Variants in BABAM2 observed in about 807,000 individuals in gnomAD.
The protein encoded by BABAM2 is BRISC and BRCA1 A complex member 2.
Under a neutral mutation model 54.7 loss-of-function variants are expected in BABAM2, and 31 were observed. The ratio of observed to expected loss-of-function variants is 0.57; its 90% CI spans 0.43 to 0.77. BABAM2 has a LOEUF of 0.77. Ranked by LOEUF, BABAM2 falls within the 30% of genes least tolerant of loss-of-function variation. BABAM2 has a pLI of 0.00. For missense variants in BABAM2, 364 were observed against 455.8 expected (o/e 0.80, Z 1.83); for synonymous variants, 167 against 162.9 (o/e 1.03, Z -0.19).
intron 7 of BABAM2, among the ~76,000 whole-genome samples, chr2:28,199,829 C>T (rs780009043): frequency 3.3e-5 from 5 of 152,086 alleles, no homozygotes; most frequent in African/African-American, 7.2e-5. Flanking sequence ...AGGTATGGAA[C>T]GAAACATCCT....
intron 6 of BABAM2, among the ~76,000 whole-genome samples, chr2:28,078,439 A>T (rs532294479): frequency 2.6e-5 from 4 of 152,316 alleles, no homozygotes; most frequent in African/African-American, 7.2e-5. Flanking sequence ...AGAATTAATA[A>T]TGAAAGAAAA....
At chr2:28,266,927 G>A (rs867867135) in intron 10 of BABAM2, among the ~76,000 whole-genome samples, 6 of 152,216 alleles carry the variant, frequency 3.9e-5, no homozygotes, top group South Asian at 2.1e-4. Flanking sequence ...AGGCCAAGGC[G>A]TGTGGATCAG....
At chr2:28,234,600 T>C (rs557742724) in intron 7 of BABAM2, among the ~76,000 whole-genome samples, 2 of 152,342 alleles carry the variant, frequency 1.3e-5, no homozygotes, top group South Asian at 4.1e-4. Context: ...TTATTTTCTT[T>C]TTCAGAATTT....
intron 5 of BABAM2, among the ~76,000 whole-genome samples, chr2:28,037,398 T>C (rs553476465): frequency 1.1e-4 from 16 of 152,286 alleles, no homozygotes; most frequent in African/African-American, 3.6e-4. Flanking sequence ...AACTCCCTCA[T>C]TCTTTTTTTA....
chr2:28,042,370 A>AGG (rs745926944), intron 5 of BABAM2, among the ~76,000 whole-genome samples: 2 of 152,204 alleles, frequency 1.3e-5, no homozygotes, highest in Non-Finnish European at 2.9e-5. Flanking sequence ...AGGGTCTTAG[A>AGG]GTTAAGCCCA....
chr2:28,144,540 C>T (rs1227987505), intron 7 of BABAM2, among the ~76,000 whole-genome samples: 2 of 152,204 alleles, frequency 1.3e-5, no homozygotes, highest in Non-Finnish European at 2.9e-5. Context: ...TTCTTCAGAA[C>T]ATGCATGGAC....
intron 7 of BABAM2, among the ~76,000 whole-genome samples, chr2:28,202,966 C>G (rs1447412347): frequency 3.3e-5 from 5 of 152,124 alleles, no homozygotes; most frequent in Non-Finnish European, 7.4e-5. Context: ...CTCCACCCCC[C>G]CACAGAAAGA....
intron 6 of BABAM2, among the ~76,000 whole-genome samples, chr2:28,106,787 C>A (rs777509616): frequency 3.9e-5 from 6 of 152,122 alleles, no homozygotes; most frequent in African/African-American, 7.2e-5. Flanking sequence ...CCCAAATATC[C>A]TATTTTTTAT....
chr2:28,014,995 TA>T (rs1387745719), intron 4 of BABAM2, among the ~76,000 whole-genome samples: 2 of 152,238 alleles, frequency 1.3e-5, no homozygotes, highest in Non-Finnish European at 2.9e-5. Flanking sequence ...ATTCTAATGC[TA>T]AAAAATATTC....
intron 7 of BABAM2, among the ~76,000 whole-genome samples, chr2:28,161,408 A>G (rs568732316): frequency 1.3e-5 from 2 of 152,218 alleles, no homozygotes; most frequent in African/African-American, 4.8e-5. Flanking sequence ...GGATGGGAGC[A>G]AGAGTTGGGT....
intron 1 of BABAM2, chr2:27,892,534 TAG>T (rs1281025736): frequency 6.6e-6 from 1 of 152,168 alleles, no homozygotes; most frequent in African/African-American, 2.4e-5. Context: ...AATTGTGACA[TAG>T]ACATGAAGGT....
intron 3 of BABAM2, among the ~76,000 whole-genome samples, chr2:27,974,337 T>A (rs1352856247): frequency 6.6e-6 from 1 of 152,078 alleles, no homozygotes; most frequent in African/African-American, 2.4e-5. Flanking sequence ...GCAACATATA[T>A]AAAATACATA....
At position 27,988,164 on chromosome 2, in the gene BABAM2, CAGAT is replaced by C. The variant is rs1672535487; in HGVS notation, c.300+82_300+85del. On this transcript the variant is annotated intron_variant, in intron 4 of 11. Coordinates refer to ENST00000379624, the MANE Select transcript of BABAM2 (RefSeq NM_199191.3). ...AAATTGGCTTTCAGCAGTTGCTTAA[CAGAT>C]AGATTTGTCACACATCTGCATTTTT... 2.2e-6 allele frequency: 3 copies of C among 1,372,390 alleles called. No individual in the cohort carries two copies. The South Asian group carries it at 3.5e-5, about 16-fold the overall frequency. 85.0% of individuals were successfully genotyped at this position (1,372,390 alleles called of 1,614,324 possible).
chr2:28,124,672 C>T (rs1479729973), intron 6 of BABAM2, among the ~76,000 whole-genome samples: 6 of 152,126 alleles, frequency 3.9e-5, no homozygotes, highest in Non-Finnish European at 7.3e-5. Flanking sequence ...GAGTGGTTTC[C>T]ATATGCCAGA....
intron 6 of BABAM2, among the ~76,000 whole-genome samples, chr2:28,050,419 C>G (rs1171847016): frequency 6.6e-6 from 1 of 152,132 alleles, no homozygotes; most frequent in Non-Finnish European, 1.5e-5. Context: ...GGAGATCTTA[C>G]TATGACCCAG....
chr2:28,116,399 C>A (rs912049233), intron 6 of BABAM2, among the ~76,000 whole-genome samples: 1 of 152,226 alleles, frequency 6.6e-6, no homozygotes, highest in African/African-American at 2.4e-5. Context: ...GCTCCATTCT[C>A]TAACGCTTGT....
rs537594923 is a variant in BABAM2, at chr2:27,916,080, C to T, written c.129-13752C>T. ...AGAGCTAATCAGGGTGAGATCAAAG[C>T]TCTGCTAGTACATTCCCTTGAGAAT... On this transcript the variant is annotated intron_variant, in intron 2 of 11. Transcript: ENST00000379624. Among the ~76,000 whole-genome samples the T allele has an allele frequency of 2.6e-5, 4 of 152,298 alleles. No individual in the cohort carries two copies. In the South Asian group the frequency reaches 8.3e-4, roughly 32 times the overall value.
chr2:28,026,570 C>T (rs185505878), intron 5 of BABAM2, among the ~76,000 whole-genome samples: 21 of 150,094 alleles, frequency 1.4e-4, no homozygotes, highest in Admixed American at 5.4e-4. Context: ...CATCACACAC[C>T]GGTGCCTGTT....
chr2:28,196,598 T>G (rs1037911469), intron 7 of BABAM2, among the ~76,000 whole-genome samples: 32 of 152,160 alleles, frequency 2.1e-4, no homozygotes, highest in Non-Finnish European at 4.0e-4. Context: ...AGCCCAGCAC[T>G]TTGGGAGGCT....
Sources: gnomAD v4.1 joint callset for allele counts (sites outside exome capture counted in the v4.1 genomes callset) on GRCh38, gnomAD v4.1.1 for gene constraint, MANE v1.5 for transcripts, NCBI Gene and HGNC (gene_info 2026-07-23, HGNC 2026-07-21) for gene names.